PCDH15: variants seen among roughly 807,000 people sequenced by gnomAD.
PCDH15 encodes protocadherin related 15, also known as protocadherin-15.
In PCDH15, 129 loss-of-function variants were observed where a neutral mutation model predicts 178.5. The observed-to-expected ratio is 0.72, with a 90% CI of 0.63 to 0.84. The LOEUF (loss-of-function observed/expected upper bound fraction) is 0.84, where lower values mean the gene tolerates loss of function less well. PCDH15 is among the 40% of genes least tolerant of loss of function. PCDH15 has a pLI of 0.00. For missense variants in PCDH15, 2,230 were observed against 2,099.9 expected (o/e 1.06, Z -1.21); for synonymous variants, 800 against 732.0 (o/e 1.09, Z -1.50).
chr10:54,753,969 C>T (rs1181471414), intron 1 of PCDH15, among the ~76,000 whole-genome samples: 3 of 142,128 alleles, frequency 2.1e-5, no homozygotes, highest in Non-Finnish European at 3.1e-5. Context: ...CCACCACGGC[C>T]GGCTGATTTT....
chr10:54,587,986 G>A (rs2133891217), intron 2 of PCDH15, among the ~76,000 whole-genome samples: 1 of 152,202 alleles, frequency 6.6e-6, no homozygotes, highest in Non-Finnish European at 1.5e-5. Flanking sequence ...GACAGTAAAA[G>A]AGTTTCTAAT....
chr10:54,065,195 T>C (rs2094114049), intron 18 of PCDH15, among the ~76,000 whole-genome samples: 1 of 152,178 alleles, frequency 6.6e-6, no homozygotes, highest in African/African-American at 2.4e-5. Flanking sequence ...CAGGATTTAG[T>C]GTATATGTTT....
At chr10:55,341,758 T>TATGC (rs1215336899) in intron 2 of PCDH15, among the ~76,000 whole-genome samples, 28 of 93,064 alleles carry the variant, frequency 3.0e-4, no homozygotes, top group African/African-American at 1.1e-3. Context: ...TATACATACA[T>TATGC]ATGCATATAT....
At chr10:54,654,266 A>G (rs2094327612) in intron 2 of PCDH15, among the ~76,000 whole-genome samples, 1 of 152,206 alleles carries the variant, frequency 6.6e-6, no homozygotes, top group South Asian at 2.1e-4. Flanking sequence ...ATTGTTCAGA[A>G]TATACAAAAT....
At chr10:54,317,093 A>C (rs2061323360) in intron 8 of PCDH15, among the ~76,000 whole-genome samples, 178 bp downstream of exon 8, 1 of 152,072 alleles carries the variant, frequency 6.6e-6, no homozygotes, top group South Asian at 2.1e-4. Flanking sequence ...TTATATAATT[A>C]CTCTTTGTGT....
intron 2 of PCDH15, among the ~76,000 whole-genome samples, chr10:55,003,986 C>T (rs1839861992): frequency 6.6e-6 from 1 of 152,152 alleles, no homozygotes; most frequent in Admixed American, 6.5e-5. Flanking sequence ...GAGGCCAAGT[C>T]TGAGATTCCC....
chr10:54,681,259 A>G (rs2094893721), intron 1 of PCDH15, among the ~76,000 whole-genome samples: 1 of 152,226 alleles, frequency 6.6e-6, no homozygotes, highest in African/African-American at 2.4e-5. Flanking sequence ...TGAAATATCT[A>G]TTAAACTACC....
At chr10:54,263,756 TATTG>T (rs2057487178) in intron 8 of PCDH15, among the ~76,000 whole-genome samples, 3 of 73,474 alleles carry the variant, frequency 4.1e-5, no homozygotes, top group Admixed American at 4.1e-4. Flanking sequence ...TGATGGTTAA[TATTG>T]AGTGTCAACT....
intron 2 of PCDH15, among the ~76,000 whole-genome samples, chr10:55,340,693 T>A (rs1402206357): frequency 6.6e-6 from 1 of 152,052 alleles, no homozygotes; most frequent in Non-Finnish European, 1.5e-5. Context: ...TTTCTCTCAA[T>A]ATAAAAATAA....
At chr10:55,514,887 C>T in intron 2 of PCDH15, among the ~76,000 whole-genome samples, 1 of 151,464 alleles carries the variant, frequency 6.6e-6, no homozygotes, top group East Asian at 1.9e-4. Flanking sequence ...TCTACTCTAG[C>T]TTAGGTGGAC....
At chr10:54,212,433 G>A (rs893208917) in intron 10 of PCDH15, among the ~76,000 whole-genome samples, 4 of 152,010 alleles carry the variant, frequency 2.6e-5, no homozygotes, top group African/African-American at 7.2e-5. Flanking sequence ...TTAACTGCTT[G>A]TAGCCTGTGC....
At position 54,704,421 on chromosome 10, in the gene PCDH15, G is replaced by T. The variant is rs114618983; in HGVS notation, c.-28-40131C>A. 4.3e-3 allele frequency among the ~76,000 whole-genome samples: 656 copies of T among 152,082 alleles called. 3 individuals carry two copies. Among genetic ancestry groups the T allele is most frequent in the African/African-American group, 0.015 (622 of 41,502 alleles). On this transcript the variant is annotated intron_variant, in intron 1 of 37. Transcript: ENST00000644397. ...ATTTGCAAATTGTGCCTCTGACAAA[G>T]GTCTAATATCCGGAATTTCTAAGGA...
At chr10:54,043,581 G>C (rs2093596228) in intron 18 of PCDH15, among the ~76,000 whole-genome samples, 1 of 151,318 alleles carries the variant, frequency 6.6e-6, no homozygotes, top group Non-Finnish European at 1.5e-5. Flanking sequence ...TACAGACAGA[G>C]ATTTGCCATG....
intron 32 of PCDH15, chr10:53,823,697 C>A: frequency 2.2e-6 from 1 of 460,726 alleles, no homozygotes; most frequent in Admixed American, 2.4e-5. Context: ...CCCTTATGCA[C>A]AAATCACAGT....
At chr10:55,427,930 A>T (rs544982319) in intron 2 of PCDH15, among the ~76,000 whole-genome samples, 109 of 152,248 alleles carry the variant, frequency 7.2e-4, no homozygotes, top group Non-Finnish European at 1.3e-3. Flanking sequence ...GTTATGATCT[A>T]TTTAAAGAAA....
At chr10:54,454,960 T>C (rs975579703) in intron 3 of PCDH15, among the ~76,000 whole-genome samples, 3 of 152,152 alleles carry the variant, frequency 2.0e-5, no homozygotes, top group Admixed American at 6.6e-5. Flanking sequence ...TGCGAGGTAA[T>C]TTAATCATGG....
At chr10:55,408,547 G>T (rs185746512) in intron 2 of PCDH15, among the ~76,000 whole-genome samples, 5 of 152,176 alleles carry the variant, frequency 3.3e-5, no homozygotes, top group Admixed American at 2.0e-4. Context: ...GGCTCAATTT[G>T]CTCAAGAACA....
chr10:53,959,700 C>A, intron 23 of PCDH15, 32 bp downstream of exon 23: 1 of 1,504,956 alleles, frequency 6.6e-7, no homozygotes, highest in East Asian at 2.3e-5. Flanking sequence ...CTAAACATTT[C>A]GTGTATTTCA....
At chr10:54,872,560 C>T (rs892581730) in intron 3 of PCDH15, among the ~76,000 whole-genome samples, 12 of 151,876 alleles carry the variant, frequency 7.9e-5, no homozygotes, top group South Asian at 2.1e-4. Flanking sequence ...TATTTCTGAC[C>T]GATAGTGATG....
Sources: allele counts gnomAD v4.1 joint callset (sites outside exome capture counted in the v4.1 genomes callset), GRCh38; gene constraint gnomAD v4.1.1; transcripts MANE v1.5; gene names NCBI Gene and HGNC (gene_info 2026-07-23, HGNC 2026-07-21).